Variants in STOX2 observed in about 807,000 individuals in gnomAD.
The protein encoded by STOX2 is storkhead box 2, also known as storkhead-box protein 2.
A neutral mutation model predicts 60.9 loss-of-function variants in STOX2; 28 were observed. The ratio of observed to expected loss-of-function variants is 0.46; its 90% CI spans 0.34 to 0.63. The LOEUF is 0.63. Ranked by LOEUF, STOX2 falls within the 30% of genes least tolerant of loss-of-function variation. The pLI is 0.01. For missense variants in STOX2, 1,024 were observed against 1,187.7 expected, an observed-to-expected ratio of 0.86 and a Z score of 2.03; for synonymous variants, 472 against 463.9, an observed-to-expected ratio of 1.02 and a Z score of -0.22.
At chr4:183,968,633 C>T (rs976692971) in intron 1 of STOX2, among the ~76,000 whole-genome samples, 3 of 152,232 alleles carry the variant, frequency 2.0e-5, no homozygotes, top group Non-Finnish European at 4.4e-5. Context: ...CTGCTACAAA[C>T]GCAGGGCTGA....
intron 1 of STOX2, among the ~76,000 whole-genome samples, chr4:183,870,543 T>G (rs1579355726): frequency 6.6e-6 from 1 of 152,256 alleles, no homozygotes; most frequent in East Asian, 1.9e-4. Context: ...CAATGCATTC[T>G]ACAAATGATG....
intron 1 of STOX2, among the ~76,000 whole-genome samples, chr4:183,800,141 G>C (rs1738726794): frequency 1.3e-5 from 2 of 152,304 alleles, no homozygotes; most frequent in South Asian, 4.1e-4. Flanking sequence ...TGAATTGTTT[G>C]AAAGATTTTT....
intron 1 of STOX2, among the ~76,000 whole-genome samples, chr4:183,852,802 G>GTT (rs1476830329): frequency 6.6e-6 from 1 of 152,222 alleles, no homozygotes; most frequent in South Asian, 2.1e-4. Context: ...GTGCGTCAGC[G>GTT]TAAGTAGTAG....
Position 184,010,506 on chromosome 4 carries a change from T to A in STOX2, c.1668T>A (p.Ile556=). 1.2e-6 allele frequency: 2 copies of A among 1,613,858 alleles called. No homozygotes were observed. Among genetic ancestry groups the A allele is most frequent in the Non-Finnish European group, 1.7e-6 (2 of 1,179,848 alleles). ...ISSTSYKEVC[I]PEIVSGSKEP... Reference sequence around the variant, plus strand: ...CCACAAGCTATAAAGAGGTGTGTATTCCAGAGATAGTCAGTGGCAGCAAGG... The same window carrying A: ...CCACAAGCTATAAAGAGGTGTGTATACCAGAGATAGTCAGTGGCAGCAAGG... The change falls in exon 3 of 4, where the codon ATT becomes ATA. Residue 556 remains isoleucine, a synonymous_variant. Coordinates refer to ENST00000308497, the MANE Select transcript of STOX2 (RefSeq NM_020225.3). This position sits in a 1 kb window ranked among gnomAD's most constrained non-coding sequence, Gnocchi z 4.5.
chr4:183,874,952 A>AATATATATATAT (rs759209967), intron 1 of STOX2, among the ~76,000 whole-genome samples: 2 of 44,612 alleles, frequency 4.5e-5, no homozygotes, highest in African/African-American at 1.8e-4. Context: ...AAAAAAAAAA[A>AATATATATATAT]ATATATATAT....
chr4:183,972,972 C>T (rs1369221790), intron 1 of STOX2, among the ~76,000 whole-genome samples: 2 of 150,606 alleles, frequency 1.3e-5, no homozygotes, highest in Non-Finnish European at 3.0e-5. Flanking sequence ...TGGGTGGGCT[C>T]AACAACAGAA....
chr4:184,007,015 C>CAAAAA (rs61393267), intron 2 of STOX2, among the ~76,000 whole-genome samples: 708 of 52,700 alleles, frequency 0.013, 42 homozygotes, highest in African/African-American at 0.051. Context: ...GACTCTGTCT[C>CAAAAA]AAAAAAAAAA....
At position 184,005,474 on chromosome 4, in the gene STOX2, A is replaced by AAAAC. The variant is rs58443213; in HGVS notation, c.320-3682_320-3681insACAA. Among the ~76,000 whole-genome samples the AAAAC allele has an allele frequency of 2.7e-4, 33 of 120,120 alleles. 5 individuals are homozygous for AAAAC. Among genetic ancestry groups the AAAAC allele is most frequent in the African/African-American group, 5.5e-4 (19 of 34,828 alleles). The allele number at this position is 120,120 out of a possible 152,430, so 78.8% of individuals were successfully genotyped here. ...CGATATCTCAAAAAAAAAAAAAAAA[A>AAAAC]AATTCATAGGTATAAGTAGACCACA... On this transcript the variant is annotated intron_variant, in intron 2 of 3. Coordinates refer to ENST00000308497, the MANE Select transcript of STOX2 (RefSeq NM_020225.3).
rs570770043 is a variant in STOX2, at chr4:183,905,496, C to T, written c.-1295C>T. Reference sequence around the variant, plus strand: ...CGGTTGTGGGGGAGCTCGCCGTGGCCTCCCCTCCCTCTGGCTTTAGCTTCC... The same window carrying T: ...CGGTTGTGGGGGAGCTCGCCGTGGCTTCCCCTCCCTCTGGCTTTAGCTTCC... On this transcript the variant is annotated 5_prime_UTR_variant, in exon 1 of 4. Transcript: ENST00000308497. The T allele has an allele frequency of 6.6e-6, 1 of 152,366 alleles. No individual in the cohort carries two copies. The highest frequency in any genetic ancestry group is 2.4e-5 in the African/African-American group (1 of 41,576). The allele number at this position is 152,366 out of a possible 1,614,324, so 9.4% of individuals were successfully genotyped here. A position where few individuals can be genotyped will look rare whatever the true frequency, so the allele number is the denominator to read the frequency against.
chr4:183,845,890 TTATAA>T, intron 1 of STOX2, among the ~76,000 whole-genome samples: 1 of 152,242 alleles, frequency 6.6e-6, no homozygotes, highest in Non-Finnish European at 1.5e-5. Flanking sequence ...TGTAGTGTAC[TTATAA>T]TATGTACTTA....
Position 184,000,201 on chromosome 4 carries a change from A to C in STOX2, c.167-1124A>C, listed in dbSNP as rs1217045316. On this transcript the variant is annotated intron_variant, in intron 1 of 3. Coordinates refer to ENST00000308497, the MANE Select transcript of STOX2 (RefSeq NM_020225.3). ...CTACTGGGGGCACCTCCATCCCAGA[A>C]ATATTCCAAGAAATTCTAGGGATCC... 4.6e-5 allele frequency among the ~76,000 whole-genome samples: 7 copies of C among 152,228 alleles called. No individual in the cohort carries two copies. The East Asian group carries it at 1.4e-3, about 29-fold the overall frequency.
intron 1 of STOX2, among the ~76,000 whole-genome samples, chr4:183,798,476 G>T (rs1738684334): frequency 6.6e-6 from 1 of 151,992 alleles, no homozygotes. Flanking sequence ...CTCGGGTCGC[G>T]CGGGGCTCCC....
rs551202347 is a variant in STOX2, at chr4:183,870,282, T to G, written c.364+72227T>G. On this transcript the variant is annotated intron_variant, in intron 1 of 2. Coordinates refer to the STOX2 transcript ENST00000513034. ...GTGATTGTGTTTTGTATAAAAGTGT[T>G]TGTGTTCTAAGAGTTCATTTGTGAG... is the stretch of plus-strand genomic sequence containing the variant. Among the ~76,000 whole-genome samples, 197 of 152,336 alleles carry G rather than the reference T, an allele frequency of 1.3e-3. 2 individuals are homozygous for G. The highest frequency in any genetic ancestry group is 4.6e-3 in the African/African-American group (193 of 41,576).
At chr4:183,827,078 A>G (rs1312590986) in intron 1 of STOX2, among the ~76,000 whole-genome samples, 1 of 152,232 alleles carries the variant, frequency 6.6e-6, no homozygotes, top group Non-Finnish European at 1.5e-5. Context: ...GCCCAGGGTC[A>G]CCTAGCTGCT....
In STOX2 at chr4:183,856,727, G is replaced by A. The variant is rs908346753; in HGVS notation, c.364+58672G>A. On this transcript the variant is annotated intron_variant, in intron 1 of 2. Coordinates refer to the STOX2 transcript ENST00000513034. This position sits in a 1 kb window ranked among gnomAD's most constrained non-coding sequence, Gnocchi z 4.0. ...GGGTGTTTTGTTGTTACAGAAGAAG[G>A]GAAGGGAGATGTGAAAGTGCTACTT... Among the ~76,000 whole-genome samples, 2 of 152,222 alleles carry A rather than the reference G, an allele frequency of 1.3e-5. No individual in the cohort carries two copies. Among genetic ancestry groups the A allele is most frequent in the African/African-American group, 4.8e-5 (2 of 41,460 alleles).
At chr4:184,015,746 A>G (rs1734342395) in intron 3 of STOX2, 1 of 152,242 alleles carries the variant, frequency 6.6e-6, no homozygotes, top group Non-Finnish European at 1.5e-5. Context: ...AGCAGGCTTA[A>G]GTCAGTTGTG....
At chr4:183,976,507 C>A (rs972748949) in intron 1 of STOX2, among the ~76,000 whole-genome samples, 23 of 147,350 alleles carry the variant, frequency 1.6e-4, no homozygotes, top group Non-Finnish European at 3.3e-4. Flanking sequence ...AAAGAACGTC[C>A]ACAAAAATCT....
chr4:183,812,405 T>C (rs576539683), intron 1 of STOX2, among the ~76,000 whole-genome samples: 120 of 152,366 alleles, frequency 7.9e-4, no homozygotes, highest in Non-Finnish European at 1.5e-3. Context: ...TTAATACCTT[T>C]AAAAATGTCT....
At chr4:183,915,790 G>A (rs904751053) in intron 1 of STOX2, among the ~76,000 whole-genome samples, 2 of 152,218 alleles carry the variant, frequency 1.3e-5, no homozygotes, top group African/African-American at 4.8e-5. Context: ...GAGAGGCCTG[G>A]GAGGGCTTCA....
Sources: allele counts gnomAD v4.1 joint callset (sites outside exome capture counted in the v4.1 genomes callset), GRCh38; gene constraint gnomAD v4.1.1; non-coding constraint Gnocchi (gnomAD v3.1); transcripts MANE v1.5; gene names NCBI Gene and HGNC (gene_info 2026-07-23, HGNC 2026-07-21).